Variants in PACS2 observed in about 807,000 individuals in gnomAD.
PACS2 encodes PACS1-like protein.
A neutral mutation model predicts 113.0 loss-of-function variants in PACS2; 36 were observed. The observed-to-expected ratio is 0.32, with a 90% CI of 0.24 to 0.42. The LOEUF is 0.42. PACS2 is among the 10% of genes least tolerant of loss of function. The pLI, the probability that PACS2 is intolerant of heterozygous loss-of-function variation, is 1.00. For synonymous variants in PACS2, 589 were observed against 536.1 expected (o/e 1.10, Z -1.36); for missense variants, 1,015 against 1,239.5 (o/e 0.82, Z 2.72).
chr14:105,303,093 T>TA (rs1442758245), intron 1 of PACS2, among the ~76,000 whole-genome samples: 1 of 152,148 alleles, frequency 6.6e-6, no homozygotes, highest in Non-Finnish European at 1.5e-5. Context: ...CACGCCCAGC[T>TA]AATTTTTGTA....
chr14:105,305,598 T>C (rs2058163929), intron 1 of PACS2, among the ~76,000 whole-genome samples: 1 of 152,142 alleles, frequency 6.6e-6, no homozygotes, highest in Non-Finnish European at 1.5e-5. Context: ...GGTTTGCCAT[T>C]GCAGTGTGAA....
At chr14:105,331,681 G>T (rs1429074372) in intron 1 of PACS2, among the ~76,000 whole-genome samples, 1 of 152,222 alleles carries the variant, frequency 6.6e-6, no homozygotes, top group East Asian at 1.9e-4. Flanking sequence ...TTTAAGGATA[G>T]TCAACAACCC....
chr14:105,387,435 C>G (rs1489545131), intron 19 of PACS2, among the ~76,000 whole-genome samples: 1 of 152,244 alleles, frequency 6.6e-6, no homozygotes, highest in Non-Finnish European at 1.5e-5. Flanking sequence ...TTGCCCAGGG[C>G]CATGCGGAGT....
At chr14:105,332,574 C>T (rs139214020) in intron 1 of PACS2, among the ~76,000 whole-genome samples, 46 of 152,322 alleles carry the variant, frequency 3.0e-4, no homozygotes, top group African/African-American at 1.0e-3. Context: ...TGGTGGGGCT[C>T]GGTGCCTGGG....
intron 8 of PACS2, chr14:105,370,124 C>T: frequency 6.4e-6 from 3 of 465,432 alleles, no homozygotes; most frequent in Non-Finnish European, 1.1e-5. Context: ...CGTGAATACC[C>T]TGGAAGTCGG....
chr14:105,392,928 C>A, intron 23 of PACS2, 83 bp downstream of exon 23: 1 of 1,156,690 alleles, frequency 8.6e-7, no homozygotes, highest in Non-Finnish European at 1.3e-6. Flanking sequence ...ACAGGGATGA[C>A]AGCCCCCGGG....
chr14:105,366,508 G>A lies in PACS2; in HGVS notation c.424-705G>A, dbSNP rs1410734065. Among the ~76,000 whole-genome samples, 3 of 152,222 alleles carry A rather than the reference G, an allele frequency of 2.0e-5. No homozygotes were observed. Among genetic ancestry groups the A allele is most frequent in the African/African-American group, 4.8e-5 (2 of 41,468 alleles). ...TGGTTCTGAGGCTGGCGTGGGGCAC[G>A]GCGGGGCTGTGCCTGGGTACAGGTC... is the stretch of plus-strand genomic sequence containing the variant. On this transcript the variant is annotated intron_variant, in intron 4 of 24. Transcript: ENST00000447393. The surrounding 1 kb of genome is among the most constrained non-coding windows in gnomAD (Gnocchi z 4.3).
At chr14:105,382,140 G>A in intron 13 of PACS2, 82 bp downstream of exon 13, 2 of 1,403,656 alleles carry the variant, frequency 1.4e-6, no homozygotes, top group Non-Finnish European at 1.9e-6. Context: ...AAAAAGAGAA[G>A]CACAGGGGGC....
intron 1 of PACS2, among the ~76,000 whole-genome samples, chr14:105,303,971 T>A (rs116990277): frequency 0.018 from 2,714 of 152,334 alleles, 37 homozygotes; most frequent in Non-Finnish European, 0.029. Context: ...TCTGAGGCCA[T>A]GTGGCCACTG....
intron 2 of PACS2, among the ~76,000 whole-genome samples, chr14:105,350,883 G>A (rs1033122883): frequency 1.3e-5 from 2 of 152,238 alleles, no homozygotes; most frequent in African/African-American, 4.8e-5. Context: ...AGAGGAGAGG[G>A]GACAGGAGGG....
chr14:105,359,468 C>T (rs2060586740), intron 4 of PACS2, among the ~76,000 whole-genome samples: 1 of 151,604 alleles, frequency 6.6e-6, no homozygotes, highest in South Asian at 2.1e-4. Flanking sequence ...TCACCACACC[C>T]AACTAATTTT....
intron 1 of PACS2, among the ~76,000 whole-genome samples, chr14:105,341,879 G>A (rs939785953): frequency 4.6e-5 from 7 of 152,194 alleles, no homozygotes; most frequent in African/African-American, 7.2e-5. Flanking sequence ...CGCAAGCTGC[G>A]ACTTTTTCCT....
At chr14:105,374,371 G>A (rs960035633) in intron 8 of PACS2, among the ~76,000 whole-genome samples, 4 of 152,156 alleles carry the variant, frequency 2.6e-5, no homozygotes, top group Admixed American at 2.0e-4. Context: ...CAAGAAAACC[G>A]AACAGTAGAA....
chr14:105,364,465 C>A (rs1473046516), intron 4 of PACS2, among the ~76,000 whole-genome samples: 1 of 129,970 alleles, frequency 7.7e-6, no homozygotes, highest in Non-Finnish European at 1.6e-5. Flanking sequence ...CGGTGGGCGG[C>A]GTCCCGGGTG....
At chr14:105,389,093 A>G (rs1343561571) in intron 19 of PACS2, 1 of 152,264 alleles carries the variant, frequency 6.6e-6, no homozygotes, top group African/African-American at 2.4e-5. Context: ...GGGCACAGTC[A>G]GCAGGAGCCT....
chr14:105,307,216 C>T (rs999855107), intron 1 of PACS2, among the ~76,000 whole-genome samples: 3 of 151,948 alleles, frequency 2.0e-5, no homozygotes, highest in Non-Finnish European at 4.4e-5. Flanking sequence ...GCTGAGCATA[C>T]CTTTGATATG....
In PACS2 at chr14:105,376,707, G is replaced by C. The variant is rs1023383506; in HGVS notation, c.802-61G>C. The C allele has an allele frequency of 4.5e-6, 7 of 1,553,834 alleles. No homozygotes were observed. The highest frequency in any genetic ancestry group is 5.3e-6 in the Non-Finnish European group (6 of 1,137,934). ...TCCTGCAGACTCTGGGGTCTCGGGC[G>C]CCCCCAGTGGGGCAATGTGGGCTGC... On this transcript the variant is annotated intron_variant, in intron 8 of 24. Transcript: ENST00000447393. This position sits in a 1 kb window ranked among gnomAD's most constrained non-coding sequence, Gnocchi z 4.7.
chr14:105,362,193 C>G (rs113085281), intron 4 of PACS2, among the ~76,000 whole-genome samples: 1 of 150,548 alleles, frequency 6.6e-6, no homozygotes, highest in East Asian at 2.0e-4. Context: ...CCACGGTGGG[C>G]GGATCACGAG....
Position 105,375,385 on chromosome 14 carries a change from G to A in PACS2, c.802-1383G>A, listed in dbSNP as rs587645746. Among the ~76,000 whole-genome samples, 16 of 151,558 alleles carry A rather than the reference G, an allele frequency of 1.1e-4. No homozygotes were observed. The East Asian group carries it at 1.7e-3, about 17-fold the overall frequency. On this transcript the variant is annotated intron_variant, in intron 8 of 24. Transcript: ENST00000447393. The stretch of plus-strand genomic sequence containing the variant: ...CCCAGCTACTCAGGAGGCTGAGGCC[G>A]GAGAATGGCGTGAACCCGGGAGGCG...
Sources: gnomAD v4.1 joint callset for allele counts (sites outside exome capture counted in the v4.1 genomes callset) on GRCh38, gnomAD v4.1.1 for gene constraint, Gnocchi (gnomAD v3.1) non-coding constraint, MANE v1.5 for transcripts, NCBI Gene and HGNC (gene_info 2026-07-23, HGNC 2026-07-21) for gene names.